HERC1: variants seen among roughly 807,000 people sequenced by gnomAD.
HERC1 encodes the protein probable E3 ubiquitin-protein ligase HERC1.
A neutral mutation model predicts 554.3 loss-of-function variants in HERC1; 160 were observed. The observed-to-expected ratio is 0.29, with a 90% CI of 0.25 to 0.33. The LOEUF (loss-of-function observed/expected upper bound fraction) is 0.33, where lower values mean the gene tolerates loss of function less well. Ranked by LOEUF, HERC1 falls within the 10% of genes least tolerant of loss-of-function variation. The pLI is 1.00. For synonymous variants in HERC1, 2,175 were observed against 2,131.7 expected, an observed-to-expected ratio of 1.02 and a Z score of -0.56; for missense variants, 4,919 against 5,918.5, an observed-to-expected ratio of 0.83 and a Z score of 5.54.
At chr15:63,802,832 C>T (rs1007188473) in intron 1 of HERC1, among the ~76,000 whole-genome samples, 1 of 152,192 alleles carries the variant, frequency 6.6e-6, no homozygotes, top group African/African-American at 2.4e-5. Context: ...TCTAGGTGAA[C>T]AAAGCAATAA....
chr15:63,744,497 A>G (rs965891558), intron 12 of HERC1, among the ~76,000 whole-genome samples: 2 of 152,144 alleles, frequency 1.3e-5, no homozygotes, highest in African/African-American at 2.4e-5. Context: ...GACTAGAGTC[A>G]AAAACCTTAG....
At position 63,645,088 on chromosome 15, in the gene HERC1, C is replaced by T. The variant is rs564994471; in HGVS notation, c.11088G>A (p.Gln3696=). The T allele has an allele frequency of 6.2e-7, 1 of 1,613,554 alleles. No homozygotes were observed. The highest frequency in any genetic ancestry group is 8.5e-7 in the Non-Finnish European group (1 of 1,179,564). Residue 3696 remains glutamine (Q), a synonymous_variant, in exon 57 of 78, where the codon CAG becomes CAA. Transcript: ENST00000443617. The stretch of plus-strand genomic sequence containing the variant: ...TGCGCCAAACACATACTAAGCCACT[C>T]TGACAGCCACTTAAAAAAATTGATC... ...KLQLLMATGC[Q]SGLVCVWRIP...
At chr15:63,720,453 AC>A (rs1176669853) in intron 19 of HERC1, among the ~76,000 whole-genome samples, 1 of 152,112 alleles carries the variant, frequency 6.6e-6, no homozygotes, top group Non-Finnish European at 1.5e-5. Context: ...AACAAAACCA[AC>A]AAAAAACACG....
At chr15:63,651,446 C>T in intron 52 of HERC1, 66 bp from the exon 53 acceptor site, 2 of 1,495,664 alleles carry the variant, frequency 1.3e-6, no homozygotes, top group South Asian at 1.2e-5. Flanking sequence ...AAATCCCAAA[C>T]CTTAAAATAA....
intron 74 of HERC1, among the ~76,000 whole-genome samples, chr15:63,618,528 A>C (rs1052811152): frequency 1.6e-3 from 34 of 21,028 alleles, no homozygotes; most frequent in South Asian, 0.012. Flanking sequence ...AGTTTTTTCC[A>C]ATTCTGTGAA....
chr15:63,771,437 G>GT (rs137911679), intron 2 of HERC1, among the ~76,000 whole-genome samples: 66,483 of 144,598 alleles, frequency 0.46, 15,921 homozygotes, highest in Non-Finnish European at 0.55. Flanking sequence ...AAGCAATCTA[G>GT]TTTTTTTTTT....
intron 1 of HERC1, among the ~76,000 whole-genome samples, chr15:63,825,605 T>G (rs781313715): frequency 6.6e-6 from 1 of 152,136 alleles, no homozygotes; most frequent in Non-Finnish European, 1.5e-5. Context: ...TATTTTGTAA[T>G]CAGTAAAATG....
In HERC1 at chr15:63,661,915, C is replaced by A; in HGVS notation, c.9008G>T (p.Gly3003Val). The change falls in exon 45 of 78, where the codon GGG becomes GTG. Residue 3003 changes from glycine (G) to valine (V), a missense_variant. Physicochemically the swap from Gly to Val is moderately radical, Grantham distance 109. Around this residue, in one of 11 missense-constraint regions of HERC1, gnomAD observed 1,963 missense variants for 2,228.6 expected, o/e 0.88. Transcript: ENST00000443617. Reference protein sequence around the residue: ...QHMKRNHPGCGRSANRQGYRS... With the variant: ...QHMKRNHPGCVRSANRQGYRS... The stretch of plus-strand genomic sequence containing the variant: ...ATAGCCCTGGCGGTTTGCACTGCGC[C>A]CACAGCCTGGATGGTTTCTCTTCAT... 1 of 1,613,950 alleles carries A rather than the reference C, an allele frequency of 6.2e-7. No individual in the cohort carries two copies. Among genetic ancestry groups the A allele is most frequent in the Non-Finnish European group, 8.5e-7 (1 of 1,179,886 alleles).
At position 63,758,749 on chromosome 15, in the gene HERC1, T is replaced by G. The variant is rs567973587; in HGVS notation, c.1027-380A>C. On this transcript the variant is annotated intron_variant, in intron 3 of 77. Transcript: ENST00000443617. The surrounding 1 kb of genome is among the most constrained non-coding windows in gnomAD (Gnocchi z 4.0). Reference sequence around the variant, plus strand: ...CCAGAATTGTTCATATACAAATTATTTAACACAGTCACCACAGAGGATACA... The same window carrying G: ...CCAGAATTGTTCATATACAAATTATGTAACACAGTCACCACAGAGGATACA... Among the ~76,000 whole-genome samples, 133 of 152,318 alleles carry G rather than the reference T, an allele frequency of 8.7e-4. No homozygotes were observed. Among genetic ancestry groups the G allele is most frequent in the African/African-American group, 3.0e-3 (125 of 41,572 alleles).
At chr15:63,750,287 G>A (rs2075190962) in intron 8 of HERC1, among the ~76,000 whole-genome samples, 1 of 151,996 alleles carries the variant, frequency 6.6e-6, no homozygotes, top group African/African-American at 2.4e-5. Flanking sequence ...TTACAAAGAG[G>A]GCCATGTGAA....
chr15:63,755,394 T>C, intron 5 of HERC1, 69 bp from the exon 6 acceptor site: 7 of 1,161,616 alleles, frequency 6.0e-6, no homozygotes, highest in East Asian at 2.4e-5. Context: ...TTTGATCCTA[T>C]ACACAGAGAC....
At chr15:63,735,921 G>C (rs1048780972) in intron 12 of HERC1, among the ~76,000 whole-genome samples, 2 of 152,010 alleles carry the variant, frequency 1.3e-5, no homozygotes, top group Non-Finnish European at 2.9e-5. Flanking sequence ...TAAAATCAAA[G>C]CTAAAATCAA....
chr15:63,684,760 C>T (rs188840964), intron 34 of HERC1, among the ~76,000 whole-genome samples: 52 of 152,308 alleles, frequency 3.4e-4, no homozygotes, highest in South Asian at 1.7e-3. Context: ...GTAATCCCAG[C>T]ACTTTGGGAA....
At chr15:63,660,160 A>C (rs1015253480) in intron 46 of HERC1, among the ~76,000 whole-genome samples, 1 of 151,894 alleles carries the variant, frequency 6.6e-6, no homozygotes, top group African/African-American at 2.4e-5. Flanking sequence ...CCCCACCAAA[A>C]AATACAAAAA....
At chr15:63,617,777 T>G (rs1382203950) in intron 74 of HERC1, among the ~76,000 whole-genome samples, 2 of 152,230 alleles carry the variant, frequency 1.3e-5, no homozygotes, top group Non-Finnish European at 2.9e-5. Context: ...GAGCATTTTT[T>G]CATGTGTCTT....
rs1005783275 is a variant in HERC1, at chr15:63,666,080, A to T, written c.8394T>A (p.His2798Gln). The stretch of plus-strand genomic sequence containing the variant: ...CCGACTGGGGCTCCTCTTCATCCTC[A>T]TGCCCAGGGTGCTCTATCATCCACA... ...LAMWMIEHPG[H>Q]EDEEEPQSGS... The change falls in exon 42 of 78, where the codon CAT (histidine) becomes CAA (glutamine). Residue 2798 changes from histidine (H) to glutamine (Q), a missense_variant. Physicochemically the swap from His to Gln is conservative, Grantham distance 24. This residue lies in a region of HERC1 where 1,963 missense variants were observed against 2,228.6 expected (regional missense o/e 0.88). Transcript: ENST00000443617. 8 of 1,613,864 alleles carry T rather than the reference A, an allele frequency of 5.0e-6. No individual in the cohort carries two copies. The highest frequency in any genetic ancestry group is 5.9e-6 in the Non-Finnish European group (7 of 1,179,888).
chr15:63,699,044 A>G, intron 25 of HERC1, 48 bp from the exon 26 acceptor site: 3 of 1,508,730 alleles, frequency 2.0e-6, no homozygotes, highest in South Asian at 1.2e-5. Flanking sequence ...CAAGTAGAGC[A>G]TACATTCTGA....
At chr15:63,753,158 G>A (rs961006979) in intron 7 of HERC1, 73 bp from the exon 8 acceptor site, 3 of 1,120,776 alleles carry the variant, frequency 2.7e-6, no homozygotes, top group Non-Finnish European at 3.7e-6. Context: ...TACTAAAGTT[G>A]ATAAGGAGCT....
At chr15:63,635,840 A>T (rs991378106) in intron 65 of HERC1, 121 bp downstream of exon 65, 4 of 1,064,360 alleles carry the variant, frequency 3.8e-6, no homozygotes, top group Non-Finnish European at 5.5e-6. Flanking sequence ...AAACCAATGG[A>T]TCTCTTATAA....
Sources: allele counts gnomAD v4.1 joint callset (sites outside exome capture counted in the v4.1 genomes callset), GRCh38; gene constraint gnomAD v4.1.1; regional missense constraint gnomAD v4.1.1; non-coding constraint Gnocchi (gnomAD v3.1); transcripts MANE v1.5; gene names NCBI Gene and HGNC (gene_info 2026-07-23, HGNC 2026-07-21).